The following NREP variants were observed in gnomAD, a reference collection of about 807,000 sequenced individuals.
NREP encodes the protein neuronal regeneration related protein.
NREP carries 5 observed loss-of-function variants against 8.6 expected under a neutral mutation model. The ratio of observed to expected loss-of-function variants is 0.58; its 90% CI spans 0.30 to 1.22. The LOEUF is 1.22. Among genes scored for constraint, NREP ranks in the 50% most tolerant of loss-of-function variants. NREP has a pLI of 0.07. For missense variants in NREP, 86 were observed against 82.5 expected, an observed-to-expected ratio of 1.04 and a Z score of -0.17; for synonymous variants, 27 against 28.0, an observed-to-expected ratio of 0.96 and a Z score of 0.11.
chr5:111,961,468 G>A (rs913772112), intron 2 of NREP, among the ~76,000 whole-genome samples: 5 of 152,166 alleles, frequency 3.3e-5, no homozygotes, highest in Non-Finnish European at 5.9e-5. Context: ...ATGTAAGACC[G>A]TTTTTCTCCC....
intron 2 of NREP, among the ~76,000 whole-genome samples, chr5:111,918,144 T>C (rs1266436423): frequency 6.6e-6 from 1 of 152,088 alleles, no homozygotes; most frequent in Non-Finnish European, 1.5e-5. Flanking sequence ...GGAATACAAC[T>C]TACAAGGCAT....
At chr5:111,924,042 T>A (rs1041758700) in intron 2 of NREP, among the ~76,000 whole-genome samples, 2 of 152,152 alleles carry the variant, frequency 1.3e-5, no homozygotes, top group Non-Finnish European at 2.9e-5. Context: ...AAAATCCTCT[T>A]AGCTGCTTTA....
chr5:111,728,863 G>T (rs1241563656), downstream of NREP: 3 of 152,062 alleles, frequency 2.0e-5, no homozygotes, highest in Non-Finnish European at 2.9e-5. Context: ...TTTGTCTGAG[G>T]AAAAGTGCAC....
intron 2 of NREP, among the ~76,000 whole-genome samples, chr5:111,939,839 C>T (rs983054184): frequency 3.3e-5 from 5 of 151,934 alleles, no homozygotes; most frequent in Non-Finnish European, 5.9e-5. Flanking sequence ...TGCTGTTGGC[C>T]ATGAGTCCAA....
At chr5:111,958,101 G>A (rs1246161311) in intron 2 of NREP, among the ~76,000 whole-genome samples, 1 of 151,764 alleles carries the variant, frequency 6.6e-6, no homozygotes, top group East Asian at 1.9e-4. Context: ...GCAAGAATAA[G>A]AGACATTATT....
intron 2 of NREP, among the ~76,000 whole-genome samples, chr5:111,942,666 GATACTAAAAAACC>G (rs957671603): frequency 3.3e-5 from 5 of 151,740 alleles, no homozygotes; most frequent in African/African-American, 1.2e-4. Context: ...ATCAGATAAT[GATACTAAAAAACC>G]CTTGAAAATA....
intron 2 of NREP, among the ~76,000 whole-genome samples, chr5:111,967,355 T>C (rs1258159495): frequency 6.6e-6 from 1 of 152,228 alleles, no homozygotes; most frequent in East Asian, 1.9e-4. Flanking sequence ...TCTAGTTTAT[T>C]GCAAATGATC....
At chr5:111,876,264 T>C (rs1425173401) in intron 2 of NREP, among the ~76,000 whole-genome samples, 2 of 152,150 alleles carry the variant, frequency 1.3e-5, no homozygotes, top group East Asian at 1.9e-4. Context: ...TAGAAAAAAA[T>C]AATTTCTAGG....
At chr5:111,805,819 C>T (rs1299446085) in intron 2 of NREP, among the ~76,000 whole-genome samples, 1 of 152,036 alleles carries the variant, frequency 6.6e-6, no homozygotes, top group Non-Finnish European at 1.5e-5. Flanking sequence ...ATCTAGATTT[C>T]AGTAAGCAGG....
intron 2 of NREP, among the ~76,000 whole-genome samples, chr5:111,833,059 CAGA>C (rs1752812008): frequency 6.6e-6 from 1 of 152,196 alleles, no homozygotes; most frequent in African/African-American, 2.4e-5. Flanking sequence ...ACTACTTGTG[CAGA>C]AGTCAGAAAT....
At chr5:111,784,571 G>A (rs1751566228) in intron 2 of NREP, among the ~76,000 whole-genome samples, 1 of 152,180 alleles carries the variant, frequency 6.6e-6, no homozygotes, top group African/African-American at 2.4e-5. Flanking sequence ...GATAGTTTTT[G>A]AGAAGTAGGT....
intron 2 of NREP, among the ~76,000 whole-genome samples, chr5:111,941,792 G>A (rs895025588): frequency 1.3e-5 from 2 of 151,920 alleles, no homozygotes; most frequent in African/African-American, 4.8e-5. Context: ...CAATTGAGAG[G>A]CTGACCTAAC....
rs554454892 is a variant in NREP at position 111,846,036 on chromosome 5, G to A, written c.136-110529C>T. The stretch of plus-strand genomic sequence containing the variant: ...CTACCCAAGACAGTCAAAGTCTCCC[G>A]TAAGTCAATATCCCACGATTTTCTG... On this transcript the variant is annotated intron_variant, in intron 2 of 3. Coordinates refer to the NREP transcript ENST00000395634. 8.4e-5 allele frequency: 13 copies of A among 154,966 alleles called. No homozygotes were observed. In the East Asian group the frequency reaches 1.7e-3, roughly 20 times the overall value. The allele number at this position is 154,966 out of a possible 1,614,324, so 9.6% of individuals were successfully genotyped here.
At chr5:111,876,974 G>A (rs1753925297) in intron 2 of NREP, among the ~76,000 whole-genome samples, 1 of 152,134 alleles carries the variant, frequency 6.6e-6, no homozygotes, top group Non-Finnish European at 1.5e-5. Context: ...TTGATCATAT[G>A]CTAAGTTGCT....
intron 2 of NREP, among the ~76,000 whole-genome samples, chr5:111,803,371 C>A (rs1185268988): frequency 6.6e-6 from 1 of 152,136 alleles, no homozygotes; most frequent in Non-Finnish European, 1.5e-5. Context: ...TAGTTTGATA[C>A]AGAGTTGCAG....
chr5:111,802,868 T>C (rs41408646), intron 2 of NREP, among the ~76,000 whole-genome samples: 2,268 of 152,250 alleles, frequency 0.015, 43 homozygotes, highest in African/African-American at 0.04. Context: ...CTTAGATGAC[T>C]GAGCAAAACT....
chr5:111,861,548 T>C (rs1753544093), intron 2 of NREP, among the ~76,000 whole-genome samples: 1 of 152,154 alleles, frequency 6.6e-6, no homozygotes, highest in African/African-American at 2.4e-5. Flanking sequence ...CTTTGCATCA[T>C]ATTTGATAGC....
intron 2 of NREP, chr5:111,969,474 T>G (rs1293101090): frequency 6.6e-6 from 1 of 152,210 alleles, no homozygotes; most frequent in Non-Finnish European, 1.5e-5. Flanking sequence ...AGACATACAG[T>G]AGCCATAATA....
At chr5:111,792,485 A>T (rs373079735) in intron 2 of NREP, among the ~76,000 whole-genome samples, 3 of 152,348 alleles carry the variant, frequency 2.0e-5, no homozygotes, top group East Asian at 3.9e-4. Flanking sequence ...GATGCACAAT[A>T]AAAAATATAT....
Sources: allele counts gnomAD v4.1 joint callset (sites outside exome capture counted in the v4.1 genomes callset), GRCh38; gene constraint gnomAD v4.1.1; transcripts MANE v1.5; gene names NCBI Gene and HGNC (gene_info 2026-07-23, HGNC 2026-07-21).